Variants in SMIM7 observed in about 807,000 individuals in gnomAD.
The protein encoded by SMIM7 is UPF0608 protein C19orf42.
SMIM7 carries 12 observed loss-of-function variants against 13.3 expected under a neutral mutation model. The ratio of observed to expected loss-of-function variants is 0.90; its 90% CI spans 0.58 to 1.46. SMIM7 has a LOEUF of 1.46. Ranked by LOEUF, SMIM7 falls within the 40% of genes most tolerant of loss-of-function variation. The pLI is 0.00. For missense variants in SMIM7, 114 were observed against 94.8 expected (o/e 1.20, Z -0.84); for synonymous variants, 36 against 35.8 (o/e 1.01, Z -0.02).
chr19:16,646,854 C>A lies in SMIM7; in HGVS notation c.*392G>T. 3.8e-6 allele frequency: 1 copy of A among 261,732 alleles called. No homozygotes were observed. Among genetic ancestry groups the A allele is most frequent in the Non-Finnish European group, 7.5e-6 (1 of 132,870 alleles). The allele number at this position is 261,732 out of a possible 1,614,324, so 16.2% of individuals were successfully genotyped here. On this transcript the variant is annotated 3_prime_UTR_variant, in exon 5 of 5. Coordinates refer to ENST00000487416, the MANE Select transcript of SMIM7 (RefSeq NM_024104.4). ...CAGGGCCCCTGGCCGGGCCCAGAGG[C>A]TGTCAGACTCAGCAAGTAACACTGA...
intron 3 of SMIM7, among the ~76,000 whole-genome samples, chr19:16,658,822 C>A (rs2086629212): frequency 6.6e-6 from 1 of 151,974 alleles, no homozygotes; most frequent in African/African-American, 2.4e-5. Context: ...AGTTTACAGT[C>A]ATATGTGAGG....
intron 3 of SMIM7, among the ~76,000 whole-genome samples, chr19:16,656,800 G>A (rs1018715441): frequency 6.6e-6 from 1 of 152,002 alleles, no homozygotes; most frequent in Non-Finnish European, 1.5e-5. Flanking sequence ...TAGGGAAGCT[G>A]AGGCAGGAGA....
intron 4 of SMIM7, among the ~76,000 whole-genome samples, chr19:16,650,930 G>A (rs1426768608): frequency 6.6e-6 from 1 of 152,144 alleles, no homozygotes; most frequent in Non-Finnish European, 1.5e-5. Flanking sequence ...AAGTTAGGCT[G>A]CACAGACATA....
At chr19:16,659,515 C>T in intron 2 of SMIM7, 68 bp from the exon 3 acceptor site, 1 of 1,494,718 alleles carries the variant, frequency 6.7e-7, no homozygotes, top group Non-Finnish European at 9.2e-7. Context: ...TGACCCCCAG[C>T]TCAGAAGGCC....
chr19:16,633,842 T>G (rs534942942), intron 4 of SMIM7: 1 of 152,194 alleles, frequency 6.6e-6, no homozygotes, highest in Non-Finnish European at 1.5e-5. Flanking sequence ...TACATACTTA[T>G]GCACAGAGTG....
At chr19:16,657,342 A>G (rs2086609251) in intron 3 of SMIM7, among the ~76,000 whole-genome samples, 1 of 152,184 alleles carries the variant, frequency 6.6e-6, no homozygotes. Context: ...ACTTTGTGCC[A>G]AATCTCCCGC....
At chr19:16,656,821 C>T (rs547669018) in intron 3 of SMIM7, among the ~76,000 whole-genome samples, 36 of 152,034 alleles carry the variant, frequency 2.4e-4, no homozygotes, top group African/African-American at 8.7e-4. Flanking sequence ...ATTGCTTGAA[C>T]CCAGGAAGCG....
chr19:16,631,584 G>C (rs1312575340), exon 5 of SMIM7: 2 of 152,104 alleles, frequency 1.3e-5, no homozygotes, highest in Non-Finnish European at 1.5e-5. Context: ...GCAGGAACCG[G>C]GATATTCAAG....
chr19:16,655,062 C>T (rs1044330672), intron 3 of SMIM7, among the ~76,000 whole-genome samples: 2 of 152,178 alleles, frequency 1.3e-5, no homozygotes, highest in Non-Finnish European at 2.9e-5. Context: ...CCAACTCCAA[C>T]CCCAACCCTA....
chr19:16,633,731 AAAAT>A lies in SMIM7; in HGVS notation c.*138-2011_*138-2008del, dbSNP rs1244795147. ...GAGCAAGATCCCGTCTCTTACAACAAAAATAAAGCCACTATTGATGGAGAAACGC... is the reference window on the plus strand; with the variant it reads ...GAGCAAGATCCCGTCTCTTACAACAAAAAGCCACTATTGATGGAGAAACGC... On this transcript the variant is annotated intron_variant and NMD_transcript_variant, in intron 4 of 4. Coordinates refer to the SMIM7 transcript ENST00000465250. The A allele has an allele frequency of 7.2e-5, 11 of 152,318 alleles. No homozygotes were observed. The East Asian group carries it at 2.1e-3, about 29-fold the overall frequency. The allele number at this position is 152,318 out of a possible 1,614,324, so 9.4% of individuals were successfully genotyped here.
intron 4 of SMIM7, among the ~76,000 whole-genome samples, chr19:16,652,022 C>T (rs909320972): frequency 1.4e-5 from 2 of 146,916 alleles, no homozygotes; most frequent in African/African-American, 5.1e-5. Flanking sequence ...TTTGCAAAGA[C>T]GAGAATGAGG....
downstream of SMIM7, among the ~76,000 whole-genome samples, chr19:16,644,424 G>C (rs370035924): frequency 2.1e-4 from 31 of 149,518 alleles, 1 homozygote; most frequent in East Asian, 6.0e-3. Context: ...ACTGCACTCA[G>C]TCTGTTTGTA....
At chr19:16,654,910 C>A (rs1220398393) in intron 3 of SMIM7, among the ~76,000 whole-genome samples, 1 of 152,080 alleles carries the variant, frequency 6.6e-6, no homozygotes, top group East Asian at 1.9e-4. Flanking sequence ...TACTATGTGG[C>A]CCTCTACAGA....
At chr19:16,655,625 G>A (rs989122035) in intron 3 of SMIM7, among the ~76,000 whole-genome samples, 2 of 141,626 alleles carry the variant, frequency 1.4e-5, no homozygotes, top group African/African-American at 2.7e-5. Context: ...AGATTGCAGT[G>A]AGCTGAGATG....
Position 16,660,002 on chromosome 19 carries a change from T to C in SMIM7, c.27-2A>G. 1 of 1,613,972 alleles carries C rather than the reference T, an allele frequency of 6.2e-7. No homozygotes were observed. Among genetic ancestry groups the C allele is most frequent in the Non-Finnish European group, 8.5e-7 (1 of 1,179,972 alleles). ...GCCCCGGCATTCATCAGCAACGTCCTGCAGAGGGAGAATTACAGTTACTAG... is the reference window on the plus strand; with the variant it reads ...GCCCCGGCATTCATCAGCAACGTCCCGCAGAGGGAGAATTACAGTTACTAG... On this transcript the variant is annotated splice_acceptor_variant, in intron 1 of 4. Transcript: ENST00000487416. LOFTEE classifies it high-confidence loss of function.
chr19:16,640,848 G>C (rs896784370), downstream of SMIM7: 15 of 152,160 alleles, frequency 9.9e-5, no homozygotes, highest in African/African-American at 3.6e-4. Context: ...CAAGAAAATC[G>C]CTTGAACCCG....
chr19:16,658,516 G>A (rs7245599), intron 3 of SMIM7, among the ~76,000 whole-genome samples: 12,507 of 152,212 alleles, frequency 0.082, 775 homozygotes, highest in African/African-American at 0.17. Context: ...AGAGTCTACA[G>A]GCCCCACCTC....
At chr19:16,659,026 T>A in intron 3 of SMIM7, 1 of 307,246 alleles carries the variant, frequency 3.3e-6, no homozygotes, top group Non-Finnish European at 6.3e-6. Context: ...GGCTCACGCC[T>A]GTAATCCCAG....
At chr19:16,652,001 T>G (rs1362288264) in intron 4 of SMIM7, among the ~76,000 whole-genome samples, 20 of 120,196 alleles carry the variant, frequency 1.7e-4, no homozygotes, top group Admixed American at 2.5e-4. Context: ...CTTCTTCCCT[T>G]CCCCAGGACC....
Sources: allele counts gnomAD v4.1 joint callset (sites outside exome capture counted in the v4.1 genomes callset), GRCh38; gene constraint gnomAD v4.1.1; transcripts MANE v1.5; gene names NCBI Gene and HGNC (gene_info 2026-07-23, HGNC 2026-07-21).